RBM47: variants seen among roughly 807,000 people sequenced by gnomAD.
RBM47 encodes RNA binding motif protein 47.
Under a neutral mutation model 47.1 loss-of-function variants are expected in RBM47, and 21 were observed. The observed-to-expected ratio is 0.45, with a 90% CI of 0.32 to 0.64. The LOEUF (loss-of-function observed/expected upper bound fraction) is 0.64. Among genes scored for constraint, RBM47 ranks in the 30% least tolerant of loss-of-function variants. The probability of loss-of-function intolerance (pLI) is 0.05; values close to 1 mark genes in which losing one functional copy is unlikely to be tolerated. For missense variants in RBM47, 708 were observed against 870.9 expected (o/e 0.81, Z 2.35); for synonymous variants, 375 against 361.7 (o/e 1.04, Z -0.42).
chr4:40,545,945 G>C (rs1344938049), intron 1 of RBM47, among the ~76,000 whole-genome samples: 1 of 152,062 alleles, frequency 6.6e-6, no homozygotes, highest in Non-Finnish European at 1.5e-5. Context: ...CTAGCACACA[G>C]AGAAAATGTT....
intron 1 of RBM47, among the ~76,000 whole-genome samples, chr4:40,594,979 C>T (rs763569635): frequency 4.6e-5 from 7 of 152,138 alleles, no homozygotes; most frequent in African/African-American, 1.2e-4. Flanking sequence ...CAGATTGCCA[C>T]GCAATAGACA....
chr4:40,603,456 A>G (rs938405422), intron 1 of RBM47, among the ~76,000 whole-genome samples: 1 of 152,106 alleles, frequency 6.6e-6, no homozygotes, highest in Non-Finnish European at 1.5e-5. Flanking sequence ...ATTTCTGTTG[A>G]GTATATAACC....
intron 2 of RBM47, among the ~76,000 whole-genome samples, chr4:40,535,845 A>T (rs1165779055): frequency 6.6e-6 from 1 of 152,084 alleles, no homozygotes; most frequent in Non-Finnish European, 1.5e-5. Flanking sequence ...GGCATGAGCC[A>T]CCACACCTGG....
At chr4:40,536,100 A>G (rs1171913817) in intron 2 of RBM47, among the ~76,000 whole-genome samples, 1 of 152,258 alleles carries the variant, frequency 6.6e-6, no homozygotes, top group Non-Finnish European at 1.5e-5. Context: ...TTTATTTTGC[A>G]GACATAGAAA....
chr4:40,611,279 TA>T (rs772649207), intron 1 of RBM47, among the ~76,000 whole-genome samples: 2 of 152,254 alleles, frequency 1.3e-5, no homozygotes, highest in Non-Finnish European at 2.9e-5. Flanking sequence ...TATTTTATTT[TA>T]TTTTTGCTTA....
intron 1 of RBM47, among the ~76,000 whole-genome samples, chr4:40,544,871 G>C (rs1013169428): frequency 6.6e-6 from 1 of 151,994 alleles, no homozygotes; most frequent in African/African-American, 2.4e-5. Flanking sequence ...AGGAATTTGA[G>C]ACCAACCTGG....
chr4:40,480,102 T>A lies in RBM47; in HGVS notation c.-154-13403A>T, dbSNP rs532139368. On this transcript the variant is annotated intron_variant, in intron 2 of 6. Coordinates refer to ENST00000295971, the MANE Select transcript of RBM47 (RefSeq NM_001098634.2). Reference sequence around the variant, plus strand: ...AAGTGATTCTCCTGCCTCAGCCTCCTGAGTAGCTGGGATTACAGGTGTCCG... The same window carrying A: ...AAGTGATTCTCCTGCCTCAGCCTCCAGAGTAGCTGGGATTACAGGTGTCCG... 5.6e-4 allele frequency among the ~76,000 whole-genome samples: 85 copies of A among 151,148 alleles called. 1 individual carries two copies. In the South Asian group the frequency reaches 6.1e-3, roughly 11 times the overall value.
At chr4:40,593,132 C>G (rs573523500) in intron 1 of RBM47, among the ~76,000 whole-genome samples, 1 of 147,606 alleles carries the variant, frequency 6.8e-6, no homozygotes, top group African/African-American at 2.5e-5. Context: ...GTAGCTGGGA[C>G]TACAGGCGCC....
At chr4:40,600,754 A>AGGCG (rs1735193237) in intron 1 of RBM47, among the ~76,000 whole-genome samples, 1 of 151,884 alleles carries the variant, frequency 6.6e-6, no homozygotes, top group South Asian at 2.1e-4. Context: ...TGGGAGGCCA[A>AGGCG]GGCGGGCTGA....
chr4:40,598,389 G>T (rs1384561948), intron 1 of RBM47, among the ~76,000 whole-genome samples: 1 of 152,094 alleles, frequency 6.6e-6, no homozygotes, highest in African/African-American at 2.4e-5. Flanking sequence ...TGGGACCACA[G>T]GTGCACACCA....
Position 40,458,164 on chromosome 4 carries a change from CCTTCTG to C in RBM47, c.-32+8407_-32+8412del, listed in dbSNP as rs767198577. ...CACATGAATACATGTACAATATGCA[CCTTCTG>C]GTGGTATGTCAAATAGTAGTATACA... On this transcript the variant is annotated intron_variant, in intron 3 of 6. Coordinates refer to ENST00000295971, the MANE Select transcript of RBM47 (RefSeq NM_001098634.2). Among the ~76,000 whole-genome samples the C allele has an allele frequency of 1.2e-4, 19 of 152,172 alleles. No homozygotes were observed. The East Asian group carries it at 2.7e-3, about 22-fold the overall frequency.
At chr4:40,595,830 G>A (rs4861272) in intron 1 of RBM47, among the ~76,000 whole-genome samples, 49,780 of 151,738 alleles carry the variant, frequency 0.33, 9,203 homozygotes, top group African/African-American at 0.49. Flanking sequence ...GCTTGAACCC[G>A]GGAGGCAGAG....
intron 2 of RBM47, among the ~76,000 whole-genome samples, chr4:40,501,873 A>G (rs1723423588): frequency 6.6e-6 from 1 of 152,204 alleles, no homozygotes; most frequent in Admixed American, 6.5e-5. Context: ...ATAAGAGTGA[A>G]ATAAAGCTCA....
chr4:40,427,273 C>T (rs1356418744), intron 6 of RBM47: 1 of 152,194 alleles, frequency 6.6e-6, no homozygotes, highest in Non-Finnish European at 1.5e-5. Flanking sequence ...GAGAAAATGT[C>T]TCAGCAGCGG....
chr4:40,569,631 T>G (rs577488495), intron 1 of RBM47, among the ~76,000 whole-genome samples: 13 of 151,878 alleles, frequency 8.6e-5, no homozygotes, highest in Admixed American at 2.6e-4. Context: ...GGACGGTCTC[T>G]ATCTCCTGAC....
At chr4:40,604,380 T>C (rs1735554855) in intron 1 of RBM47, among the ~76,000 whole-genome samples, 1 of 152,146 alleles carries the variant, frequency 6.6e-6, no homozygotes, top group African/African-American at 2.4e-5. Flanking sequence ...ATCCCAACAC[T>C]TTGGGAGGCT....
intron 2 of RBM47, among the ~76,000 whole-genome samples, chr4:40,531,603 G>A (rs536038807): frequency 1.3e-5 from 2 of 152,280 alleles, no homozygotes; most frequent in South Asian, 4.1e-4. Flanking sequence ...ATGGACATGC[G>A]CTCAGATACC....
chr4:40,450,204 C>T (rs906634890), intron 3 of RBM47, among the ~76,000 whole-genome samples: 6 of 152,094 alleles, frequency 3.9e-5, no homozygotes, highest in Admixed American at 6.6e-5. Flanking sequence ...ACAGAAAGGC[C>T]GACTGGCAGA....
At chr4:40,462,966 A>G (rs956280615) in intron 3 of RBM47, among the ~76,000 whole-genome samples, 2 of 152,234 alleles carry the variant, frequency 1.3e-5, no homozygotes, top group Non-Finnish European at 2.9e-5. Flanking sequence ...ATCGAAATTA[A>G]TAACTTTTGT....
Sources: gnomAD v4.1 joint callset for allele counts (sites outside exome capture counted in the v4.1 genomes callset) on GRCh38, gnomAD v4.1.1 for gene constraint, MANE v1.5 for transcripts, NCBI Gene and HGNC (gene_info 2026-07-23, HGNC 2026-07-21) for gene names.